Variants in CDH20 observed in about 807,000 individuals in gnomAD.
The protein encoded by CDH20 is cadherin 20.
A neutral mutation model predicts 74.2 loss-of-function variants in CDH20; 29 were observed. That is an observed-to-expected ratio of 0.39 (90% CI 0.29 to 0.53). The LOEUF (loss-of-function observed/expected upper bound fraction) is 0.53. Ranked by LOEUF, CDH20 falls within the 20% of genes least tolerant of loss-of-function variation. The probability of loss-of-function intolerance (pLI) is 0.69; values close to 1 mark genes in which losing one functional copy is unlikely to be tolerated. For synonymous variants in CDH20, 469 were observed against 405.4 expected (o/e 1.16, Z -1.88); for missense variants, 988 against 1,048.3 (o/e 0.94, Z 0.79).
intron 1 of CDH20, among the ~76,000 whole-genome samples, chr18:61,386,279 T>C (rs1014529965): frequency 5.9e-5 from 9 of 152,212 alleles, no homozygotes; most frequent in Non-Finnish European, 1.2e-4. Flanking sequence ...CTTTGGCAGT[T>C]GACTTAGCCA....
chr18:61,433,080 C>A (rs1461607646), intron 1 of CDH20, among the ~76,000 whole-genome samples: 4 of 152,062 alleles, frequency 2.6e-5, no homozygotes, highest in African/African-American at 7.2e-5. Context: ...GCTATGTGAC[C>A]TTGAATGAGT....
chr18:61,414,169 T>C (rs1912608742), intron 1 of CDH20, among the ~76,000 whole-genome samples: 1 of 152,124 alleles, frequency 6.6e-6, no homozygotes, highest in South Asian at 2.1e-4. Flanking sequence ...TGGTTGGTAC[T>C]ATAGATAGCA....
chr18:61,405,944 C>T (rs1184547257), intron 1 of CDH20, among the ~76,000 whole-genome samples: 1 of 152,192 alleles, frequency 6.6e-6, no homozygotes, highest in Admixed American at 6.5e-5. Flanking sequence ...TTAGGATGTG[C>T]AGATTCCTAG....
chr18:61,358,251 A>G (rs1910562587), intron 1 of CDH20, among the ~76,000 whole-genome samples: 1 of 150,588 alleles, frequency 6.6e-6, no homozygotes, highest in African/African-American at 2.4e-5. Flanking sequence ...AGTAGCTGGG[A>G]CTACAGGCGC....
intron 6 of CDH20, among the ~76,000 whole-genome samples, chr18:61,521,510 A>G (rs915883652): frequency 2.6e-5 from 4 of 151,386 alleles, no homozygotes; most frequent in Non-Finnish European, 5.9e-5. Context: ...AGGAGCTGGT[A>G]GCATTCCTTC....
intron 10 of CDH20, among the ~76,000 whole-genome samples, chr18:61,547,636 G>A (rs1913298041): frequency 6.6e-6 from 1 of 152,074 alleles, no homozygotes. Context: ...GTAAGCAAAT[G>A]GCCCAAGACC....
chr18:61,433,997 CTGGGAT>C (rs1908744026), intron 1 of CDH20, among the ~76,000 whole-genome samples: 1 of 152,064 alleles, frequency 6.6e-6, no homozygotes, highest in African/African-American at 2.4e-5. Context: ...GAAGAAAGGT[CTGGGAT>C]GGCTGGTATT....
Position 61,554,185 on chromosome 18 carries a change from G to A in CDH20, c.1901-5G>A. On this transcript the variant is annotated splice_polypyrimidine_tract_variant and splice_region_variant and intron_variant, in intron 11 of 11. Transcript: ENST00000262717. ...TAAACACACTCTCCTTTTTGTTCCT[G>A]GCAGTGCTGGTGTTGCTCATTTTGT... 1 of 1,603,646 alleles carries A rather than the reference G, an allele frequency of 6.2e-7. No individual in the cohort carries two copies. The highest frequency in any genetic ancestry group is 8.5e-7 in the Non-Finnish European group (1 of 1,173,092).
chr18:61,523,910 CAG>C, intron 6 of CDH20, among the ~76,000 whole-genome samples: 1 of 152,064 alleles, frequency 6.6e-6, no homozygotes, highest in African/African-American at 2.4e-5. Flanking sequence ...CAGGGCCTGT[CAG>C]GGGTCGGGGG....
intron 1 of CDH20, among the ~76,000 whole-genome samples, chr18:61,397,994 T>G (rs1912039584): frequency 6.6e-6 from 1 of 152,228 alleles, no homozygotes; most frequent in South Asian, 2.1e-4. Context: ...CAAACAAATG[T>G]AGTCTCCCAA....
chr18:61,528,280 A>G, intron 7 of CDH20, 60 bp downstream of exon 7: 3 of 1,538,636 alleles, frequency 1.9e-6, no homozygotes, highest in Non-Finnish European at 2.7e-6. Context: ...CCTTGTATGT[A>G]ATTTTCTAGC....
chr18:61,342,802 C>A (rs1015498934), intron 1 of CDH20, among the ~76,000 whole-genome samples: 2 of 152,072 alleles, frequency 1.3e-5, no homozygotes, highest in African/African-American at 2.4e-5. Context: ...GTAGATAGTT[C>A]CCATGGTTAC....
At chr18:61,364,527 G>T (rs373195056) in intron 1 of CDH20, among the ~76,000 whole-genome samples, 2 of 152,150 alleles carry the variant, frequency 1.3e-5, no homozygotes, top group South Asian at 4.1e-4. Flanking sequence ...GGTCAGGCTG[G>T]TCTCGAACTC....
chr18:61,467,962 A>G (rs1910024173), intron 1 of CDH20, among the ~76,000 whole-genome samples: 1 of 152,208 alleles, frequency 6.6e-6, no homozygotes, highest in South Asian at 2.1e-4. Context: ...CATAGGAACT[A>G]CTATTAGCTT....
chr18:61,499,647 C>T (rs2070747853), intron 3 of CDH20, among the ~76,000 whole-genome samples, 167 bp downstream of exon 3: 1 of 152,120 alleles, frequency 6.6e-6, no homozygotes, highest in Non-Finnish European at 1.5e-5. Flanking sequence ...GACGACCAAG[C>T]CCTTTGGCTG....
intron 1 of CDH20, among the ~76,000 whole-genome samples, chr18:61,461,281 A>C (rs1003480788): frequency 6.7e-6 from 1 of 150,320 alleles, no homozygotes; most frequent in Non-Finnish European, 1.5e-5. Flanking sequence ...TTCATGGTGT[A>C]TTAGTTCCCT....
intron 1 of CDH20, among the ~76,000 whole-genome samples, chr18:61,486,648 A>ATTTT (rs1368403220): frequency 6.6e-6 from 1 of 152,150 alleles, no homozygotes; most frequent in Non-Finnish European, 1.5e-5. Flanking sequence ...TTTTAAGTGC[A>ATTTT]TTTTTGAGAC....
At chr18:61,346,437 T>G (rs1036476613) in intron 1 of CDH20, among the ~76,000 whole-genome samples, 7 of 152,138 alleles carry the variant, frequency 4.6e-5, no homozygotes, top group Non-Finnish European at 8.8e-5. Context: ...GTAACTGCAT[T>G]GAAAAGTCAC....
intron 1 of CDH20, among the ~76,000 whole-genome samples, chr18:61,344,473 C>T (rs1292164079): frequency 6.6e-6 from 1 of 152,166 alleles, no homozygotes; most frequent in South Asian, 2.1e-4. Context: ...ATCCTTTCAG[C>T]AGGGATGCAC....
Sources: gnomAD v4.1 joint callset for allele counts (sites outside exome capture counted in the v4.1 genomes callset) on GRCh38, gnomAD v4.1.1 for gene constraint, MANE v1.5 for transcripts, NCBI Gene and HGNC (gene_info 2026-07-23, HGNC 2026-07-21) for gene names.